RASGRP3: variants seen among roughly 807,000 people sequenced by gnomAD.
RASGRP3 encodes ras guanyl-releasing protein 3.
RASGRP3 carries 54 observed loss-of-function variants against 82.7 expected under a neutral mutation model. That is an observed-to-expected ratio of 0.65 (90% CI 0.52 to 0.82). RASGRP3 has a LOEUF of 0.82. RASGRP3 is among the 40% of genes least tolerant of loss of function. RASGRP3 has a pLI of 0.00. For synonymous variants in RASGRP3, 309 were observed against 300.5 expected, an observed-to-expected ratio of 1.03 and a Z score of -0.29; for missense variants, 861 against 828.9, an observed-to-expected ratio of 1.04 and a Z score of -0.48.
At chr2:33,491,406 G>C (rs1032592893) in intron 1 of RASGRP3, among the ~76,000 whole-genome samples, 2 of 151,850 alleles carry the variant, frequency 1.3e-5, no homozygotes, top group Non-Finnish European at 2.9e-5. Flanking sequence ...CTTACTGGTT[G>C]ATGGATAGAT....
chr2:33,518,162 T>C (rs902353538), intron 4 of RASGRP3, among the ~76,000 whole-genome samples: 3 of 152,340 alleles, frequency 2.0e-5, no homozygotes, highest in African/African-American at 7.2e-5. Flanking sequence ...GCAAACATCA[T>C]AGAGTGCACT....
At chr2:33,498,854 A>G (rs552161856) in intron 1 of RASGRP3, among the ~76,000 whole-genome samples, 1 of 152,250 alleles carries the variant, frequency 6.6e-6, no homozygotes, top group African/African-American at 2.4e-5. Flanking sequence ...CTCCGAGATC[A>G]CAATCTGTGC....
intron 10 of RASGRP3, chr2:33,533,030 T>C (rs1039997921): frequency 2.6e-5 from 4 of 152,196 alleles, no homozygotes; most frequent in African/African-American, 7.2e-5. Context: ...CTCATACACA[T>C]GTTAGATAAA....
rs1217754858 is a variant in RASGRP3 at position 33,524,938 on chromosome 2, G to A, written c.807+390G>A. On this transcript the variant is annotated intron_variant, in intron 9 of 17. Coordinates refer to ENST00000403687, the MANE Select transcript of RASGRP3 (RefSeq NM_001139488.2). The stretch of plus-strand genomic sequence containing the variant: ...ACTAAAAATACAAAAAAAATTAGCC[G>A]GGTGTGGTGGCAGGCACCTGTAGTC... 4.0e-5 allele frequency among the ~76,000 whole-genome samples: 6 copies of A among 151,754 alleles called. No individual in the cohort carries two copies. In the South Asian group the frequency reaches 8.4e-4, roughly 21 times the overall value.
chr2:33,550,288 C>G (rs1675234177), intron 14 of RASGRP3, among the ~76,000 whole-genome samples: 1 of 152,188 alleles, frequency 6.6e-6, no homozygotes, highest in Non-Finnish European at 1.5e-5. Flanking sequence ...ATCCTCATAG[C>G]AAGCCCTTGA....
At chr2:33,516,133 G>T (rs1465065880) in intron 3 of RASGRP3, among the ~76,000 whole-genome samples, 4 of 152,216 alleles carry the variant, frequency 2.6e-5, no homozygotes, top group African/African-American at 9.6e-5. Context: ...TGGTCGGCCA[G>T]GCGCAGTGGC....
intron 2 of RASGRP3, among the ~76,000 whole-genome samples, chr2:33,461,815 A>G (rs1476369561): frequency 2.0e-5 from 3 of 152,254 alleles, no homozygotes; most frequent in South Asian, 2.1e-4. Flanking sequence ...TAAGTAAATC[A>G]TGGTGCTATT....
At position 33,539,190 on chromosome 2, in the gene RASGRP3, C is replaced by T; in HGVS notation, c.1258C>T (p.His420Tyr). 1 of 1,607,932 alleles carries T rather than the reference C, an allele frequency of 6.2e-7. No individual in the cohort carries two copies. The highest frequency in any genetic ancestry group is 8.5e-7 in the Non-Finnish European group (1 of 1,177,150). Residue 420 changes from histidine to tyrosine, a missense_variant, in exon 12 of 18, where the codon CAC becomes TAC. Physicochemically the swap from His to Tyr is moderately conservative, Grantham distance 83 (BLOSUM62 2). Coordinates refer to ENST00000403687, the MANE Select transcript of RASGRP3 (RefSeq NM_001139488.2). The stretch of plus-strand genomic sequence containing the variant: ...GCCAGACCCCACGGTCATCAACAAG[C>T]ACATAAGGAAATTAGTGGAGGTAAG... Reference protein sequence around the residue: ...PKPDPTVINKHIRKLVESVFR... With the variant: ...PKPDPTVINKYIRKLVESVFR...
rs553367236 is a variant in RASGRP3, at chr2:33,547,502, G to C, written c.1395-2102G>C. Among the ~76,000 whole-genome samples the C allele has an allele frequency of 3.3e-5, 5 of 151,998 alleles. No individual in the cohort carries two copies. The East Asian group carries it at 9.7e-4, about 29-fold the overall frequency. ...AATTGTGGCACAGCAAACAGTAATA[G>C]GGAAGCCTGGGCAGGGAGTACAGGG... On this transcript the variant is annotated intron_variant, in intron 13 of 17. Transcript: ENST00000403687.
In RASGRP3 at chr2:33,519,956, C is replaced by G. The variant is rs757730510; in HGVS notation, c.178C>G (p.Arg60Gly). 8.1e-6 allele frequency: 13 copies of G among 1,608,742 alleles called. No homozygotes were observed. The highest frequency in any genetic ancestry group is 1.7e-4 in the Middle Eastern group (1 of 6,058). ...ELAEKLLCMY[R>G]NATGESCNEF... Reference sequence around the variant, plus strand: ...TTTTTTCTTTAACTGGTTTACGTATCGAAATGCCACTGGAGAAAGCTGCAA... The same window carrying G: ...TTTTTTCTTTAACTGGTTTACGTATGGAAATGCCACTGGAGAAAGCTGCAA... Residue 60 changes from arginine to glycine, a missense_variant, in exon 5 of 18, where the codon CGA (arginine) becomes GGA (glycine). Arg to Gly is a moderately radical substitution (Grantham distance 125). Coordinates refer to ENST00000403687, the MANE Select transcript of RASGRP3 (RefSeq NM_001139488.2).
chr2:33,524,743 G>A (rs1162265089), intron 9 of RASGRP3, among the ~76,000 whole-genome samples, 195 bp downstream of exon 9: 1 of 152,150 alleles, frequency 6.6e-6, no homozygotes. Context: ...GTTGGAGGTG[G>A]TGGTAAGTGT....
intron 6 of RASGRP3, among the ~76,000 whole-genome samples, chr2:33,521,059 G>A (rs911464313): frequency 6.6e-6 from 1 of 152,146 alleles, no homozygotes; most frequent in Admixed American, 6.5e-5. Flanking sequence ...CAGCATTGGC[G>A]TTACCTGGGA....
intron 13 of RASGRP3, 126 bp from the exon 14 acceptor site, chr2:33,549,478 T>C: frequency 2.3e-6 from 2 of 879,284 alleles, no homozygotes; most frequent in Non-Finnish European, 3.4e-6. Context: ...TGAGATGTAA[T>C]AGAGAAGTGA....
chr2:33,540,562 GTGTGTGT>G (rs1674183117), intron 12 of RASGRP3, among the ~76,000 whole-genome samples: 1 of 13,792 alleles, frequency 7.3e-5, no homozygotes, highest in Non-Finnish European at 1.5e-4. Flanking sequence ...TGTTTTGTGT[GTGTGTGT>G]GTGTGTGTGT....
At chr2:33,537,308 ACACACACACACACCGCCCCCCC>A (rs1673713719) in intron 11 of RASGRP3, among the ~76,000 whole-genome samples, 2 of 49,792 alleles carry the variant, frequency 4.0e-5, no homozygotes, top group Non-Finnish European at 7.3e-5. Flanking sequence ...TCTAAAATAC[ACACACACACACACCGCCCCCCC>A]CACACACACA....
chr2:33,515,326 T>A, intron 3 of RASGRP3, 120 bp downstream of exon 3: 1 of 1,002,784 alleles, frequency 1.0e-6, no homozygotes, highest in Non-Finnish European at 1.5e-6. Context: ...TTTAAGGCCT[T>A]TCGGATGGAC....
At chr2:33,470,056 T>A (rs1325896299) in intron 2 of RASGRP3, among the ~76,000 whole-genome samples, 1 of 152,184 alleles carries the variant, frequency 6.6e-6, no homozygotes, top group Non-Finnish European at 1.5e-5. Flanking sequence ...ACCTAATATC[T>A]CCCTTGTGGT....
intron 2 of RASGRP3, among the ~76,000 whole-genome samples, chr2:33,470,440 C>T (rs866527285): frequency 7.3e-5 from 11 of 149,768 alleles, no homozygotes; most frequent in South Asian, 4.2e-4. Context: ...AGTGCAGTGG[C>T]GCGATCTCAG....
Position 33,524,428 on chromosome 2 carries a change from GC to G in RASGRP3, c.691-3del. On this transcript the variant is annotated splice_region_variant and splice_polypyrimidine_tract_variant and intron_variant, in intron 8 of 17. Coordinates refer to ENST00000403687, the MANE Select transcript of RASGRP3 (RefSeq NM_001139488.2). ...TAAAAAGCATTGATGCATTTTTATT[GC>G]AGAAGCTCCTTCAGCTCAAAAATTT... The G allele has an allele frequency of 6.4e-7, 1 of 1,557,390 alleles. No individual in the cohort carries two copies. The highest frequency in any genetic ancestry group is 1.9e-5 in the Admixed American group (1 of 52,172).
Sources: gnomAD v4.1 joint callset for allele counts (sites outside exome capture counted in the v4.1 genomes callset) on GRCh38, gnomAD v4.1.1 for gene constraint, MANE v1.5 for transcripts, NCBI Gene and HGNC (gene_info 2026-07-23, HGNC 2026-07-21) for gene names.